The following HDAC9 variants were observed in gnomAD, a reference collection of about 807,000 sequenced individuals.
HDAC9 encodes histone deacetylase 9, also known as MEF-2 interacting transcription repressor (MITR) protein.
In HDAC9, 41 loss-of-function variants were observed where a neutral mutation model predicts 139.4. That is an observed-to-expected ratio of 0.29 (90% CI 0.23 to 0.38). The LOEUF (loss-of-function observed/expected upper bound fraction) is 0.38, where lower values mean the gene tolerates loss of function less well. Ranked by LOEUF, HDAC9 falls within the 10% of genes least tolerant of loss-of-function variation. HDAC9 has a pLI of 1.00. For missense variants in HDAC9, 1,147 were observed against 1,297.0 expected (o/e 0.88, Z 1.78); for synonymous variants, 517 against 476.2 (o/e 1.09, Z -1.12).
At chr7:18,105,995 T>G (rs1350271610) in intron 1 of HDAC9, among the ~76,000 whole-genome samples, 1 of 152,174 alleles carries the variant, frequency 6.6e-6, no homozygotes, top group Non-Finnish European at 1.5e-5. Context: ...CATGCTATTT[T>G]ATTCAATTTA....
chr7:18,265,997 A>G (rs1408638907), intron 2 of HDAC9, among the ~76,000 whole-genome samples: 3 of 152,166 alleles, frequency 2.0e-5, no homozygotes, highest in African/African-American at 4.8e-5. Flanking sequence ...CACCATATCA[A>G]TAATTTTTAA....
intron 7 of HDAC9, among the ~76,000 whole-genome samples, chr7:18,633,966 A>G (rs1783100193): frequency 6.6e-6 from 1 of 152,058 alleles, no homozygotes; most frequent in Non-Finnish European, 1.5e-5. Flanking sequence ...ATTTCTTGTT[A>G]TATTGGTATT....
intron 1 of HDAC9, among the ~76,000 whole-genome samples, chr7:18,097,468 T>TA (rs1396206314): frequency 8.7e-6 from 1 of 114,708 alleles, no homozygotes; most frequent in Non-Finnish European, 2.0e-5. Context: ...CTTTTACCTT[T>TA]TTTTTTTTTT....
rs532750566 is a variant in HDAC9, at chr7:18,273,784, C to T, written c.25+111435C>T. ...ATAATATAAGTAACACAGTGGAAGA[C>T]GGGACAAATAAGAATAGTTAATCCT... On this transcript the variant is annotated intron_variant, in intron 2 of 12. Coordinates refer to the HDAC9 transcript ENST00000417496. Among the ~76,000 whole-genome samples, 19 of 152,178 alleles carry T rather than the reference C, an allele frequency of 1.2e-4. No homozygotes were observed. The Middle Eastern group carries it at 0.01, about 82-fold the overall frequency.
At chr7:18,845,938 T>C (rs1214525590) in intron 21 of HDAC9, among the ~76,000 whole-genome samples, 2 of 152,038 alleles carry the variant, frequency 1.3e-5, no homozygotes, top group African/African-American at 2.4e-5. Context: ...CACAAGGCCA[T>C]AGCAAACCTC....
chr7:18,969,802 A>C (rs143959438), intron 24 of HDAC9, among the ~76,000 whole-genome samples: 193 of 152,336 alleles, frequency 1.3e-3, no homozygotes, highest in Middle Eastern at 0.01. Flanking sequence ...GAATTTGGTA[A>C]AATTTTGAAG....
intron 1 of HDAC9, among the ~76,000 whole-genome samples, chr7:18,104,416 A>T (rs1783065916): frequency 1.3e-5 from 2 of 152,172 alleles, no homozygotes; most frequent in Admixed American, 1.3e-4. Flanking sequence ...CAATATAATT[A>T]AACTTACCTG....
intron 21 of HDAC9, among the ~76,000 whole-genome samples, chr7:18,858,294 T>C (rs951598089): frequency 6.6e-6 from 1 of 152,174 alleles, no homozygotes; most frequent in African/African-American, 2.4e-5. Context: ...AGAGGTTTAA[T>C]TGACTCACGT....
chr7:18,109,587 G>A (rs974712157), intron 1 of HDAC9, among the ~76,000 whole-genome samples: 1 of 150,962 alleles, frequency 6.6e-6, no homozygotes, highest in Non-Finnish European at 1.5e-5. Flanking sequence ...GCTGAGAAGT[G>A]CAGCAATAAA....
At position 18,762,289 on chromosome 7, in the gene HDAC9, C is replaced by T. The variant is rs1034808069; in HGVS notation, c.2164+12C>T. The T allele has an allele frequency of 6.2e-7, 1 of 1,612,946 alleles. No homozygotes were observed. The highest frequency in any genetic ancestry group is 1.3e-5 in the African/African-American group (1 of 74,882). Reference sequence around the variant, plus strand: ...CAGGATACTCCTAGGTCTGTACGGGCCTCCACTGTACTGGGAACAGCACAT... The same window carrying T: ...CAGGATACTCCTAGGTCTGTACGGGTCTCCACTGTACTGGGAACAGCACAT... On this transcript the variant is annotated intron_variant, in intron 15 of 25. Coordinates refer to ENST00000686413, the MANE Select transcript of HDAC9 (RefSeq NM_178425.4).
At chr7:18,521,191 G>A (rs1804911460) in intron 2 of HDAC9, among the ~76,000 whole-genome samples, 1 of 152,156 alleles carries the variant, frequency 6.6e-6, no homozygotes, top group Admixed American at 6.5e-5. Context: ...GAAAAATCAT[G>A]TCTTTAAAAT....
chr7:18,338,671 C>A (rs971541482), intron 1 of HDAC9, among the ~76,000 whole-genome samples: 4 of 151,340 alleles, frequency 2.6e-5, no homozygotes, highest in Non-Finnish European at 5.9e-5. Context: ...GTATATAATG[C>A]TTTTTATATA....
At position 18,264,232 on chromosome 7, in the gene HDAC9, G is replaced by C. The variant is rs547520108; in HGVS notation, c.25+101883G>C. Among the ~76,000 whole-genome samples the C allele has an allele frequency of 4.6e-5, 7 of 152,182 alleles. No individual in the cohort carries two copies. The South Asian group carries it at 6.2e-4, about 14-fold the overall frequency. On this transcript the variant is annotated intron_variant, in intron 2 of 12. Coordinates refer to the HDAC9 transcript ENST00000417496. The stretch of plus-strand genomic sequence containing the variant: ...CAGTGGAATACATATTCTTCTCAGT[G>C]CTCAAGGACTATTCCAGGCTAAGCC...
chr7:18,358,676 TGC>T (rs1783526263), intron 1 of HDAC9, among the ~76,000 whole-genome samples: 1 of 152,216 alleles, frequency 6.6e-6, no homozygotes, highest in Non-Finnish European at 1.5e-5. Context: ...GAATGCATGG[TGC>T]CATAGGTTAT....
intron 17 of HDAC9, among the ~76,000 whole-genome samples, chr7:18,796,425 G>T (rs938021905): frequency 2.6e-5 from 4 of 152,196 alleles, no homozygotes; most frequent in Admixed American, 2.6e-4. Flanking sequence ...GGCACAGGGG[G>T]TGGGTTTCCT....
At chr7:18,440,639 T>C (rs1791670292) in intron 1 of HDAC9, among the ~76,000 whole-genome samples, 1 of 152,232 alleles carries the variant, frequency 6.6e-6, no homozygotes, top group South Asian at 2.1e-4. Flanking sequence ...GATATTATTT[T>C]ATAAACCTAC....
chr7:18,147,188 C>T (rs2128115734), intron 1 of HDAC9, among the ~76,000 whole-genome samples: 1 of 152,176 alleles, frequency 6.6e-6, no homozygotes, highest in Middle Eastern at 3.4e-3. Context: ...TAAATACCCG[C>T]TTGCAAATAG....
At chr7:18,206,985 G>T (rs1225618766) in intron 2 of HDAC9, among the ~76,000 whole-genome samples, 2 of 149,956 alleles carry the variant, frequency 1.3e-5, no homozygotes, top group African/African-American at 2.5e-5. Flanking sequence ...GCCCAGGCTG[G>T]AGTGCAATGG....
chr7:18,506,726 T>G (rs939832008), intron 2 of HDAC9, among the ~76,000 whole-genome samples: 2 of 152,130 alleles, frequency 1.3e-5, no homozygotes, highest in Non-Finnish European at 2.9e-5. Flanking sequence ...ACACCAATGC[T>G]CCTAGCTTTA....
Sources: gnomAD v4.1 joint callset for allele counts (sites outside exome capture counted in the v4.1 genomes callset) on GRCh38, gnomAD v4.1.1 for gene constraint, MANE v1.5 for transcripts, NCBI Gene and HGNC (gene_info 2026-07-23, HGNC 2026-07-21) for gene names.